AGBL4: variants seen among roughly 807,000 people sequenced by gnomAD.
AGBL4 encodes cytosolic carboxypeptidase 6.
A neutral mutation model predicts 66.4 loss-of-function variants in AGBL4; 58 were observed. The ratio of observed to expected loss-of-function variants is 0.87; its 90% CI spans 0.71 to 1.09. The LOEUF is 1.09. Among genes scored for constraint, AGBL4 ranks in the 50% least tolerant of loss-of-function variants. The pLI, the probability that AGBL4 is intolerant of heterozygous loss-of-function variation, is 0.00. For synonymous variants in AGBL4, 234 were observed against 222.9 expected (o/e 1.05, Z -0.44); for missense variants, 579 against 631.0 (o/e 0.92, Z 0.88).
At chr1:49,038,734 G>A (rs150627808) in intron 5 of AGBL4, among the ~76,000 whole-genome samples, 7 of 152,134 alleles carry the variant, frequency 4.6e-5, no homozygotes, top group East Asian at 1.9e-4. Context: ...ACAGGTACTC[G>A]CATTCATTGC....
At chr1:49,811,081 T>A (rs1327246462) in intron 2 of AGBL4, among the ~76,000 whole-genome samples, 2 of 152,242 alleles carry the variant, frequency 1.3e-5, no homozygotes, top group Non-Finnish European at 2.9e-5. Flanking sequence ...GACCTAGATA[T>A]CTATCCGAAA....
intron 3 of AGBL4, among the ~76,000 whole-genome samples, chr1:49,560,300 G>A (rs1254038727): frequency 6.6e-6 from 1 of 152,070 alleles, no homozygotes; most frequent in Admixed American, 6.6e-5. Flanking sequence ...AAAGAATCAA[G>A]CAGAAATTCT....
At chr1:48,805,476 TC>T (rs1645902484) in intron 6 of AGBL4, among the ~76,000 whole-genome samples, 1 of 152,170 alleles carries the variant, frequency 6.6e-6, no homozygotes, top group African/African-American at 2.4e-5. Flanking sequence ...GGGGATTTCC[TC>T]AACTATGGAA....
At chr1:49,925,116 C>T (rs1652635770) in intron 1 of AGBL4, among the ~76,000 whole-genome samples, 2 of 152,126 alleles carry the variant, frequency 1.3e-5, no homozygotes, top group Admixed American at 1.3e-4. Flanking sequence ...GCTTGTAGCT[C>T]ATGGGGTGAC....
chr1:48,998,973 G>C (rs1403163224), intron 5 of AGBL4, among the ~76,000 whole-genome samples: 1 of 152,186 alleles, frequency 6.6e-6, no homozygotes, highest in Non-Finnish European at 1.5e-5. Flanking sequence ...AGCAGAACCA[G>C]AACAGATGCA....
At chr1:49,834,464 C>T (rs977976758) in intron 2 of AGBL4, among the ~76,000 whole-genome samples, 1 of 151,972 alleles carries the variant, frequency 6.6e-6, no homozygotes, top group Non-Finnish European at 1.5e-5. Flanking sequence ...CTATTTGATT[C>T]GTCTTGCTTT....
intron 1 of AGBL4, among the ~76,000 whole-genome samples, chr1:50,020,764 AGAGTT>A (rs1299837091): frequency 1.3e-5 from 2 of 152,216 alleles, no homozygotes; most frequent in Non-Finnish European, 2.9e-5. Flanking sequence ...AATACCTTAA[AGAGTT>A]GTTATGAGAC....
chr1:49,311,400 T>C (rs1025821519), intron 3 of AGBL4, among the ~76,000 whole-genome samples: 4 of 152,070 alleles, frequency 2.6e-5, no homozygotes, highest in African/African-American at 9.7e-5. Context: ...CCAGAAACAC[T>C]ATTTAAATGC....
intron 5 of AGBL4, among the ~76,000 whole-genome samples, chr1:48,907,549 A>G (rs1309209332): frequency 6.6e-6 from 1 of 152,176 alleles, no homozygotes; most frequent in Non-Finnish European, 1.5e-5. Context: ...CTGAAGCCTT[A>G]TATCAAGCAG....
chr1:49,875,726 C>A (rs1274615719), intron 1 of AGBL4, among the ~76,000 whole-genome samples: 1 of 126,934 alleles, frequency 7.9e-6, no homozygotes. Context: ...CCTGAGGAAT[C>A]GCCACACTGA....
chr1:49,459,241 T>C (rs1646458257), intron 3 of AGBL4, among the ~76,000 whole-genome samples: 1 of 151,686 alleles, frequency 6.6e-6, no homozygotes, highest in Non-Finnish European at 1.5e-5. Context: ...CCTGAACTTC[T>C]TTTGGTTTGG....
intron 11 of AGBL4, 35 bp downstream of exon 11, chr1:48,586,969 G>C: frequency 6.2e-7 from 1 of 1,607,990 alleles, no homozygotes; most frequent in South Asian, 1.1e-5. Context: ...GGCTGGATGA[G>C]GGCTGGCCCA....
At chr1:49,131,480 A>G (rs1557666868) in intron 4 of AGBL4, among the ~76,000 whole-genome samples, 1 of 152,108 alleles carries the variant, frequency 6.6e-6, no homozygotes, top group East Asian at 1.9e-4. Context: ...GAGAAGTAAC[A>G]GTGTGATAAC....
At chr1:49,890,865 G>A (rs1191892157) in intron 1 of AGBL4, among the ~76,000 whole-genome samples, 1 of 152,162 alleles carries the variant, frequency 6.6e-6, no homozygotes, top group Non-Finnish European at 1.5e-5. Context: ...ACTATGATCA[G>A]AGTAAGAAAT....
rs527883465 is a variant in AGBL4, at chr1:49,258,526, C to T, written c.283-12662G>A. ...TGAAGAATGCAGAAGCCTCAGGAGCCGATGCGATCAACTGGAAGAAAGGGT... is the reference window on the plus strand; with the variant it reads ...TGAAGAATGCAGAAGCCTCAGGAGCTGATGCGATCAACTGGAAGAAAGGGT... On this transcript the variant is annotated intron_variant, in intron 3 of 13. Coordinates refer to ENST00000371839, the MANE Select transcript of AGBL4 (RefSeq NM_032785.4). Among the ~76,000 whole-genome samples the T allele has an allele frequency of 7.9e-5, 12 of 151,828 alleles. No individual in the cohort carries two copies. The East Asian group carries it at 1.7e-3, about 22-fold the overall frequency.
chr1:49,406,678 G>A (rs181641135), intron 3 of AGBL4, among the ~76,000 whole-genome samples: 1 of 152,036 alleles, frequency 6.6e-6, no homozygotes, highest in Admixed American at 6.6e-5. Context: ...ATGTCAAAAT[G>A]GTAGTGAAAA....
Position 49,847,308 on chromosome 1 carries a change from T to C in AGBL4, c.157+4088A>G, listed in dbSNP as rs901552425. Among the ~76,000 whole-genome samples, 3 of 152,152 alleles carry C rather than the reference T, an allele frequency of 2.0e-5. No homozygotes were observed. The South Asian group carries it at 6.2e-4, about 32-fold the overall frequency. On this transcript the variant is annotated intron_variant, in intron 2 of 13. Transcript: ENST00000371839. ...GTAAGACCTAAAACTATAAAAATAC[T>C]ATAAGAAAAACTATGGAAACCTCTT... is the stretch of plus-strand genomic sequence containing the variant.
intron 3 of AGBL4, among the ~76,000 whole-genome samples, chr1:49,462,920 T>C (rs1268505758): frequency 6.6e-6 from 1 of 151,708 alleles, no homozygotes; most frequent in Non-Finnish European, 1.5e-5. Flanking sequence ...TTCTGAGATA[T>C]CTAGGTAAAA....
At chr1:49,288,296 A>C (rs1170867979) in intron 3 of AGBL4, among the ~76,000 whole-genome samples, 1 of 150,942 alleles carries the variant, frequency 6.6e-6, no homozygotes, top group South Asian at 2.1e-4. Flanking sequence ...GCACACCAGC[A>C]TGGCACATGT....
Sources: allele counts gnomAD v4.1 joint callset (sites outside exome capture counted in the v4.1 genomes callset), GRCh38; gene constraint gnomAD v4.1.1; transcripts MANE v1.5; gene names NCBI Gene and HGNC (gene_info 2026-07-23, HGNC 2026-07-21).